The following KPNA3 variants were observed in gnomAD, a reference collection of about 807,000 sequenced individuals.
The protein encoded by KPNA3 is importin subunit alpha-4.
A neutral mutation model predicts 73.8 loss-of-function variants in KPNA3; 13 were observed. The ratio of observed to expected loss-of-function variants is 0.18; its 90% confidence interval spans 0.11 to 0.28. The LOEUF (loss-of-function observed/expected upper bound fraction) is 0.28. Among genes scored for constraint, KPNA3 ranks in the 10% least tolerant of loss-of-function variants. KPNA3 has a pLI of 1.00. For missense variants in KPNA3, 360 were observed against 618.1 expected, an observed-to-expected ratio of 0.58 and a Z score of 4.43; for synonymous variants, 186 against 206.9, an observed-to-expected ratio of 0.90 and a Z score of 0.87.
At chr13:49,720,323 C>T (rs1954343088) in intron 9 of KPNA3, among the ~76,000 whole-genome samples, 1 of 152,164 alleles carries the variant, frequency 6.6e-6, no homozygotes, top group African/African-American at 2.4e-5. Flanking sequence ...AAGTACAAAG[C>T]TTTGCTTGTT....
chr13:49,714,024 A>G (rs1459166259), intron 10 of KPNA3, among the ~76,000 whole-genome samples: 1 of 152,216 alleles, frequency 6.6e-6, no homozygotes, highest in African/African-American at 2.4e-5. Flanking sequence ...AAAATTTCTA[A>G]AAAGTTAAAA....
At chr13:49,760,111 T>G (rs1376140799) in intron 1 of KPNA3, among the ~76,000 whole-genome samples, 1 of 152,120 alleles carries the variant, frequency 6.6e-6, no homozygotes, top group Non-Finnish European at 1.5e-5. Flanking sequence ...CCAATACACA[T>G]GTCAAGTGAC....
At position 49,701,902 on chromosome 13, in the gene KPNA3, T is replaced by A; in HGVS notation, c.1468-4A>T. 2.5e-6 allele frequency: 4 copies of A among 1,601,584 alleles called. No individual in the cohort carries two copies. Among genetic ancestry groups the A allele is most frequent in the Admixed American group, 1.7e-5 (1 of 59,816 alleles). On this transcript the variant is annotated splice_region_variant and splice_polypyrimidine_tract_variant and intron_variant, in intron 16 of 16. Transcript: ENST00000261667. ...TGAGGCAGGGATCTTCATCAATCTG[T>A]AAAAAACAAGAAAAAAATCCTTATT...
Position 49,705,736 on chromosome 13 carries a change from T to A in KPNA3, c.1257A>T (p.Leu419Phe). 6.2e-7 allele frequency: 1 copy of A among 1,613,952 alleles called. No individual in the cohort carries two copies. Among genetic ancestry groups the A allele is most frequent in the East Asian group, 2.2e-5 (1 of 44,872 alleles). The change falls in exon 15 of 17, where the codon TTA becomes TTT. Residue 419 changes from leucine to phenylalanine, a missense_variant. Transcript: ENST00000261667. ...CCACTTGAGAATCTTTCACTGACAG[T>A]AAATTACAGAACGGTGGTATTACAT... ...QQNVIPPFCN[L>F]LSVKDSQVVQ...
chr13:49,767,511 GATGGTTTCATCAGTGT>G (rs2137590013), intron 1 of KPNA3, among the ~76,000 whole-genome samples: 1 of 152,234 alleles, frequency 6.6e-6, no homozygotes, highest in South Asian at 2.1e-4. Context: ...TGATTGTGGT[GATGGTTTCATCAGTGT>G]ATGTACGTGT....
At chr13:49,756,843 A>G (rs935949608) in intron 1 of KPNA3, among the ~76,000 whole-genome samples, 6 of 152,236 alleles carry the variant, frequency 3.9e-5, no homozygotes, top group South Asian at 2.1e-4. Flanking sequence ...ACATTGTGTG[A>G]TATCAGTGGA....
Position 49,702,468 on chromosome 13 carries a change from A to G in KPNA3, c.1385T>C (p.Ile462Thr), listed in dbSNP as rs762510837. Residue 462 changes from isoleucine to threonine, a missense_variant, in exon 16 of 17, where the codon ATT becomes ACT. By Grantham distance (89) the Ile-to-Thr change is moderately conservative. Around this residue, in one of 3 missense-constraint regions of KPNA3, gnomAD observed 287 missense variants for 549.1 expected, o/e 0.52. Transcript: ENST00000261667. Reference sequence around the variant, plus strand: ...ATTTTCATGTTGCTGTAAAACTTCAATTTTCTCCAAACCTGGTAAAAATAA... The same window carrying G: ...ATTTTCATGTTGCTGTAAAACTTCAGTTTTCTCCAAACCTGGTAAAAATAA... ...IIEECGGLEK[I>T]EVLQQHENED... 6.5e-7 allele frequency: 1 copy of G among 1,529,896 alleles called. No individual in the cohort carries two copies. The highest frequency in any genetic ancestry group is 9.0e-7 in the Non-Finnish European group (1 of 1,110,662). 94.8% of individuals were successfully genotyped at this position (1,529,896 alleles called of 1,614,324 possible). A position where few individuals can be genotyped will look rare whatever the true frequency, so the allele number is the denominator to read the frequency against.
chr13:49,707,038 C>T (rs749903886), intron 12 of KPNA3, among the ~76,000 whole-genome samples: 20 of 152,066 alleles, frequency 1.3e-4, no homozygotes, highest in African/African-American at 2.9e-4. Flanking sequence ...CATGAGCCAC[C>T]GCGCCCAGCC....
intron 1 of KPNA3, among the ~76,000 whole-genome samples, chr13:49,788,867 C>T (rs1955007975): frequency 6.6e-6 from 1 of 152,036 alleles, no homozygotes; most frequent in Non-Finnish European, 1.5e-5. Context: ...GATAATTACT[C>T]CCTCCCTTCC....
At chr13:49,737,585 G>C (rs534307952) in intron 2 of KPNA3, among the ~76,000 whole-genome samples, 2 of 149,932 alleles carry the variant, frequency 1.3e-5, no homozygotes, top group East Asian at 3.9e-4. Context: ...GTGTGTGTGT[G>C]TGTGTGTGTG....
At chr13:49,710,819 C>T in intron 11 of KPNA3, 72 bp downstream of exon 11, 1 of 1,300,756 alleles carries the variant, frequency 7.7e-7, no homozygotes, top group East Asian at 2.3e-5. Flanking sequence ...AGAATTAAAG[C>T]CTAGCTGTAC....
intron 1 of KPNA3, among the ~76,000 whole-genome samples, chr13:49,752,562 GA>G (rs5803483): frequency 0.069 from 10,507 of 151,974 alleles, 1,203 homozygotes; most frequent in East Asian, 0.58. Flanking sequence ...ATCAGAATTA[GA>G]AAAACTCAGA....
At chr13:49,702,341 G>GT in intron 16 of KPNA3, 45 bp downstream of exon 16, 1 of 999,796 alleles carries the variant, frequency 1.0e-6, no homozygotes, top group Admixed American at 2.1e-5. Context: ...TCATGTATAG[G>GT]TTTTCATTTA....
intron 1 of KPNA3, among the ~76,000 whole-genome samples, chr13:49,752,057 G>A (rs1954667633): frequency 6.6e-6 from 1 of 152,184 alleles, no homozygotes; most frequent in South Asian, 2.1e-4. Flanking sequence ...TGGGGCGATT[G>A]AAGACCCTGA....
At chr13:49,726,015 TATTAC>T (rs1954406155) in intron 6 of KPNA3, among the ~76,000 whole-genome samples, 1 of 152,240 alleles carries the variant, frequency 6.6e-6, no homozygotes, top group Non-Finnish European at 1.5e-5. Context: ...TGTCCACTGG[TATTAC>T]AACATTTAGC....
chr13:49,785,922 A>AATATGC (rs1404090719), intron 1 of KPNA3, among the ~76,000 whole-genome samples: 1 of 152,220 alleles, frequency 6.6e-6, no homozygotes, highest in African/African-American at 2.4e-5. Context: ...GTGCATGGCC[A>AATATGC]ATATGCATAC....
chr13:49,734,455 G>A (rs563798161), intron 2 of KPNA3, among the ~76,000 whole-genome samples: 2 of 152,200 alleles, frequency 1.3e-5, no homozygotes, highest in East Asian at 1.9e-4. Context: ...CACAGTGTAC[G>A]CCAAAGTAGT....
chr13:49,705,370 A>AG (rs1235579138), intron 15 of KPNA3, among the ~76,000 whole-genome samples: 1 of 152,070 alleles, frequency 6.6e-6, no homozygotes, highest in African/African-American at 2.4e-5. Context: ...AAAAAAAAAA[A>AG]AAAAAGCTAT....
chr13:49,735,742 C>T (rs1954516076), intron 2 of KPNA3, among the ~76,000 whole-genome samples: 1 of 152,022 alleles, frequency 6.6e-6, no homozygotes. Flanking sequence ...ATCTATTATC[C>T]ACGTATGCAT....
Sources: allele counts gnomAD v4.1 joint callset (sites outside exome capture counted in the v4.1 genomes callset), GRCh38; gene constraint gnomAD v4.1.1; regional missense constraint gnomAD v4.1.1; transcripts MANE v1.5; gene names NCBI Gene and HGNC (gene_info 2026-07-23, HGNC 2026-07-21).